The following SNRNP40 variants were observed in gnomAD, a reference collection of about 807,000 sequenced individuals.
SNRNP40 encodes the protein U5 small nuclear ribonucleoprotein 40 kDa protein.
In SNRNP40, 21 loss-of-function variants were observed where a neutral mutation model predicts 45.8. That is an observed-to-expected ratio of 0.46 (90% CI 0.32 to 0.66). The LOEUF (loss-of-function observed/expected upper bound fraction) is 0.66. Ranked by LOEUF, SNRNP40 falls within the 30% of genes least tolerant of loss-of-function variation. The probability of loss-of-function intolerance (pLI) is 0.03; values close to 1 mark genes in which losing one functional copy is unlikely to be tolerated. For missense variants in SNRNP40, 344 were observed against 439.1 expected, an observed-to-expected ratio of 0.78 and a Z score of 1.94; for synonymous variants, 142 against 163.8, an observed-to-expected ratio of 0.87 and a Z score of 1.01.
At chr1:31,266,261 T>A (rs904912468) in intron 8 of SNRNP40, among the ~76,000 whole-genome samples, 7 of 152,168 alleles carry the variant, frequency 4.6e-5, no homozygotes, top group African/African-American at 1.4e-4. Flanking sequence ...CCCTGGAATA[T>A]GCTGAAAGCC....
chr1:31,280,103 G>A (rs1292344976), intron 5 of SNRNP40, among the ~76,000 whole-genome samples: 2 of 79,156 alleles, frequency 2.5e-5, no homozygotes, highest in African/African-American at 9.4e-5. Flanking sequence ...TACAGAGGAA[G>A]ACTCTGACTC....
chr1:31,291,635 T>G (rs963010944), intron 3 of SNRNP40, among the ~76,000 whole-genome samples: 1 of 152,042 alleles, frequency 6.6e-6, no homozygotes, highest in Admixed American at 6.5e-5. Flanking sequence ...CATGTTTGTG[T>G]CACTGCACTC....
chr1:31,276,508 GAAGAT>G (rs1645975783), intron 5 of SNRNP40, among the ~76,000 whole-genome samples: 1 of 151,656 alleles, frequency 6.6e-6, no homozygotes, highest in Non-Finnish European at 1.5e-5. Context: ...GCTGTGATCT[GAAGAT>G]AAGAGGCAAG....
chr1:31,271,454 G>A lies in SNRNP40; in HGVS notation c.700C>T (p.His234Tyr). 6.2e-7 allele frequency: 1 copy of A among 1,613,906 alleles called. No individual in the cohort carries two copies. ...CTCAGGCCAGTCACTGAATCTGCATGGCCTCTCATGGTGTAGGTTAGCTTG... is the reference window on the plus strand; with the variant it reads ...CTCAGGCCAGTCACTGAATCTGCATAGCCTCTCATGGTGTAGGTTAGCTTG... ...QNKLTYTMRG[H>Y]ADSVTGLSLS... Residue 234 changes from histidine (H) to tyrosine (Y), a missense_variant, in exon 6 of 10, where the codon CAT (histidine) becomes TAT (tyrosine). By Grantham distance (83) the His-to-Tyr change is moderately conservative. This residue lies in a region of SNRNP40 where 254 missense variants were observed against 380.2 expected (regional missense o/e 0.67). Transcript: ENST00000263694.
intron 6 of SNRNP40, chr1:31,269,816 C>T (rs1444261204): frequency 6.5e-6 from 1 of 154,052 alleles, no homozygotes; most frequent in Non-Finnish European, 1.4e-5. Context: ...TGGGTGATGT[C>T]AGGTAAACAG....
At chr1:31,283,960 A>C (rs1235310829) in intron 4 of SNRNP40, among the ~76,000 whole-genome samples, 1 of 152,128 alleles carries the variant, frequency 6.6e-6, no homozygotes, top group African/African-American at 2.4e-5. Context: ...ATGGTGGCTC[A>C]TGCCTGTAAC....
At chr1:31,260,918 C>T in intron 9 of SNRNP40, 1 of 879,808 alleles carries the variant, frequency 1.1e-6, no homozygotes, top group Non-Finnish European at 1.4e-6. Context: ...TTGAAACAGA[C>T]TTGATGGAAG....
chr1:31,267,725 G>T, intron 8 of SNRNP40, 146 bp downstream of exon 8: 1 of 605,610 alleles, frequency 1.7e-6, no homozygotes, highest in East Asian at 3.3e-5. Flanking sequence ...AGTAGGGATG[G>T]GGTTTCTCCA....
intron 5 of SNRNP40, among the ~76,000 whole-genome samples, chr1:31,275,520 G>A (rs1018493005): frequency 1.3e-5 from 2 of 152,102 alleles, no homozygotes; most frequent in African/African-American, 4.8e-5. Flanking sequence ...CTCCCAAGTA[G>A]CTGGGACTAC....
chr1:31,263,913 TAAAAAAAAAAA>T (rs11419603), intron 8 of SNRNP40, among the ~76,000 whole-genome samples: 1 of 107,008 alleles, frequency 9.3e-6, no homozygotes, highest in Non-Finnish European at 1.8e-5. Context: ...ATGTACTGGC[TAAAAAAAAAAA>T]AAAAAAAAAA....
At position 31,259,841 on chromosome 1, in the gene SNRNP40, A is replaced by C. The variant is rs757176387; in HGVS notation, c.*231T>G. 7.3e-6 allele frequency: 5 copies of C among 681,888 alleles called. No individual in the cohort carries two copies. In the Admixed American group the frequency reaches 1.0e-4, roughly 14 times the overall value. 42.2% of individuals were successfully genotyped at this position (681,888 alleles called of 1,614,324 possible). ...GGAAAAAAGAAAAAGAAAAAAAAAA[A>C]CAGTCCCTGAAATCTGGCAGGTGGT... On this transcript the variant is annotated 3_prime_UTR_variant, in exon 10 of 10. Transcript: ENST00000263694.
chr1:31,274,106 C>CA (rs1485062519), intron 5 of SNRNP40, among the ~76,000 whole-genome samples: 1 of 152,040 alleles, frequency 6.6e-6, no homozygotes, highest in Non-Finnish European at 1.5e-5. Flanking sequence ...GGTAGACAGG[C>CA]AGAGGCCAGC....
chr1:31,273,951 A>T (rs977473684), intron 5 of SNRNP40, among the ~76,000 whole-genome samples: 1 of 151,994 alleles, frequency 6.6e-6, no homozygotes. Context: ...TGGAAGAAGG[A>T]AGTTTTTTTT....
chr1:31,266,595 G>A (rs1645898286), intron 8 of SNRNP40, among the ~76,000 whole-genome samples: 1 of 152,178 alleles, frequency 6.6e-6, no homozygotes, highest in Admixed American at 6.5e-5. Flanking sequence ...CATAATGCCT[G>A]AGCCAGTTTA....
At chr1:31,262,485 C>T (rs886118065) in intron 8 of SNRNP40, among the ~76,000 whole-genome samples, 4 of 143,140 alleles carry the variant, frequency 2.8e-5, no homozygotes, top group Non-Finnish European at 6.0e-5. Context: ...CGTGGCACTG[C>T]CCTCTAGCCT....
chr1:31,262,483 T>G (rs1569630077), intron 8 of SNRNP40, among the ~76,000 whole-genome samples: 2 of 129,864 alleles, frequency 1.5e-5, no homozygotes, highest in South Asian at 2.5e-4. Flanking sequence ...ACCGTGGCAC[T>G]GCCCTCTAGC....
At chr1:31,286,676 T>C (rs1455211413) in intron 4 of SNRNP40, among the ~76,000 whole-genome samples, 3 of 152,302 alleles carry the variant, frequency 2.0e-5, no homozygotes, top group East Asian at 1.9e-4. Flanking sequence ...TAGGGCACTG[T>C]TGGGCTGCTG....
intron 4 of SNRNP40, among the ~76,000 whole-genome samples, chr1:31,285,170 T>C (rs1290179588): frequency 6.6e-6 from 1 of 152,064 alleles, no homozygotes; most frequent in East Asian, 1.9e-4. Context: ...TATAGAAAAC[T>C]TGGAAGTAAA....
chr1:31,296,589 G>A (rs759275483), intron 1 of SNRNP40, 22 bp downstream of exon 1: 21 of 1,598,764 alleles, frequency 1.3e-5, no homozygotes, highest in Non-Finnish European at 1.6e-5. Flanking sequence ...GAGGGCCAAA[G>A]GCCGCCTGCT....
Sources: allele counts gnomAD v4.1 joint callset (sites outside exome capture counted in the v4.1 genomes callset), GRCh38; gene constraint gnomAD v4.1.1; regional missense constraint gnomAD v4.1.1; transcripts MANE v1.5; gene names NCBI Gene and HGNC (gene_info 2026-07-23, HGNC 2026-07-21).